EPHB1: variants seen among roughly 807,000 people sequenced by gnomAD.
EPHB1 encodes the protein EPH receptor B1, also known as ephrin type-B receptor 1.
In EPHB1, 30 loss-of-function variants were observed where a neutral mutation model predicts 94.4. That is an observed-to-expected ratio of 0.32 (90% CI 0.24 to 0.43). EPHB1 has a LOEUF of 0.43. EPHB1 is among the 20% of genes least tolerant of loss of function. The probability of loss-of-function intolerance (pLI) is 1.00; values close to 1 mark genes in which losing one functional copy is unlikely to be tolerated. For missense variants in EPHB1, 1,055 were observed against 1,308.3 expected (o/e 0.81, Z 2.99); for synonymous variants, 522 against 489.1 (o/e 1.07, Z -0.89).
chr3:135,055,595 G>T (rs1216937821), intron 3 of EPHB1, among the ~76,000 whole-genome samples: 1 of 152,218 alleles, frequency 6.6e-6, no homozygotes, highest in Non-Finnish European at 1.5e-5. Context: ...TAGGTTGAGG[G>T]CCTGGGCATC....
At chr3:135,042,195 G>A (rs1225902917) in intron 3 of EPHB1, among the ~76,000 whole-genome samples, 1 of 152,164 alleles carries the variant, frequency 6.6e-6, no homozygotes, top group African/African-American at 2.4e-5. Flanking sequence ...GCTTCTCAAA[G>A]TGTTGGTGCT....
chr3:135,204,041 A>G (rs1942830812), intron 12 of EPHB1, among the ~76,000 whole-genome samples: 1 of 152,122 alleles, frequency 6.6e-6, no homozygotes, highest in Admixed American at 6.5e-5. Context: ...GTACAGAGCA[A>G]GTGTATATAT....
chr3:135,114,047 T>A (rs1209867461), intron 4 of EPHB1, among the ~76,000 whole-genome samples: 1 of 152,234 alleles, frequency 6.6e-6, no homozygotes, highest in Non-Finnish European at 1.5e-5. Context: ...CCACCACATG[T>A]GGCAGCCACT....
rs1933578278 is a variant in EPHB1 at position 135,260,087 on chromosome 3, G to A, written c.*967G>A. 4.3e-6 allele frequency: 1 copy of A among 233,128 alleles called. No individual in the cohort carries two copies. Among genetic ancestry groups the A allele is most frequent in the Non-Finnish European group, 8.5e-6 (1 of 117,734 alleles). 14.4% of individuals were successfully genotyped at this position (233,128 alleles called of 1,614,324 possible). A position where few individuals can be genotyped will look rare whatever the true frequency, so the allele number is the denominator to read the frequency against. On this transcript the variant is annotated 3_prime_UTR_variant, in exon 16 of 16. Transcript: ENST00000398015. ...GCAAATTCAGACAGGAAACAGGTGA[G>A]TGGTTTGAATTGGATGCAGTGTGGG...
At chr3:134,859,520 C>G (rs1560268291) in intron 1 of EPHB1, among the ~76,000 whole-genome samples, 1 of 152,188 alleles carries the variant, frequency 6.6e-6, no homozygotes, top group Non-Finnish European at 1.5e-5. Flanking sequence ...GGGTGTTGCT[C>G]TATGAAACCT....
chr3:134,937,912 C>CTT lies in EPHB1; in HGVS notation c.123+12051_123+12052dup, dbSNP rs113610495. ...TGACCAGCCAAGCACTGGTTCCCTC[C>CTT]TTTTTTTTTTTTTTTTTTTTCCTCC... On this transcript the variant is annotated intron_variant, in intron 2 of 15. Transcript: ENST00000398015. Among the ~76,000 whole-genome samples the CTT allele has an allele frequency of 2.2e-3, 274 of 122,560 alleles. 2 individuals carry two copies. Among genetic ancestry groups the CTT allele is most frequent in the Non-Finnish European group, 2.7e-3 (160 of 60,120 alleles). The allele number at this position is 122,560 out of a possible 152,430, so 80.4% of individuals were successfully genotyped here. A position where few individuals can be genotyped will look rare whatever the true frequency, so the allele number is the denominator to read the frequency against.
chr3:135,078,781 A>C (rs1484491138), intron 3 of EPHB1, among the ~76,000 whole-genome samples: 2 of 152,236 alleles, frequency 1.3e-5, no homozygotes, highest in South Asian at 4.1e-4. Context: ...AATTCCAAAG[A>C]AATTTTAACA....
At chr3:135,052,910 T>C (rs1384353346) in intron 3 of EPHB1, among the ~76,000 whole-genome samples, 3 of 52,652 alleles carry the variant, frequency 5.7e-5, no homozygotes, top group Non-Finnish European at 9.7e-5. Flanking sequence ...TATATATATA[T>C]GTGTGTGTGT....
rs149289392 is a variant in EPHB1, at chr3:135,220,354, A to G, written c.2346+18665A>G. Among the ~76,000 whole-genome samples the G allele has an allele frequency of 5.5e-3, 831 of 152,316 alleles. 4 individuals are homozygous for G. The highest frequency in any genetic ancestry group is 8.3e-3 in the Non-Finnish European group (568 of 68,036). On this transcript the variant is annotated intron_variant, in intron 12 of 15. Transcript: ENST00000398015. ...AAGATTTTATTTTAATCCTCCCACA[A>G]AAGCATTCAAGTAAGCTCTTTCTCT...
chr3:135,067,970 G>A (rs1937605183), intron 3 of EPHB1: 1 of 152,276 alleles, frequency 6.6e-6, no homozygotes. Context: ...CCCAGTAGTA[G>A]GGGTGTGTTC....
intron 4 of EPHB1, among the ~76,000 whole-genome samples, chr3:135,127,093 A>G (rs911733164): frequency 3.3e-5 from 5 of 152,232 alleles, no homozygotes; most frequent in African/African-American, 4.8e-5. Context: ...CATCTTTCAG[A>G]TAAGGAAACT....
chr3:135,007,999 A>T lies in EPHB1; in HGVS notation c.805+55947A>T, dbSNP rs554416192. 3.9e-5 allele frequency among the ~76,000 whole-genome samples: 6 copies of T among 152,282 alleles called. No individual in the cohort carries two copies. In the East Asian group the frequency reaches 1.2e-3, roughly 29 times the overall value. On this transcript the variant is annotated intron_variant, in intron 3 of 15. Coordinates refer to ENST00000398015, the MANE Select transcript of EPHB1 (RefSeq NM_004441.5). ...CAGCCTTCACATCCGTGACAAAATCATGAGGGGAGGCTCAAATGCTCTGCT... is the reference window on the plus strand; with the variant it reads ...CAGCCTTCACATCCGTGACAAAATCTTGAGGGGAGGCTCAAATGCTCTGCT...
chr3:135,109,782 C>T (rs1299848486), intron 4 of EPHB1, among the ~76,000 whole-genome samples: 3 of 152,320 alleles, frequency 2.0e-5, no homozygotes, highest in African/African-American at 7.2e-5. Flanking sequence ...CTGCCGAGCT[C>T]GCTGTCCCTG....
chr3:134,995,466 T>C (rs1934959102), intron 3 of EPHB1, among the ~76,000 whole-genome samples: 1 of 150,684 alleles, frequency 6.6e-6, no homozygotes, highest in Non-Finnish European at 1.5e-5. Context: ...CATGTACATG[T>C]TTTTTTATGT....
intron 3 of EPHB1, among the ~76,000 whole-genome samples, chr3:135,088,136 G>C (rs143819037): frequency 6.6e-6 from 1 of 152,074 alleles, no homozygotes; most frequent in Non-Finnish European, 1.5e-5. Flanking sequence ...TAAGCCTCTC[G>C]TCTGAACTCA....
At chr3:134,922,793 G>A (rs1462769170) in intron 1 of EPHB1, among the ~76,000 whole-genome samples, 5 of 152,118 alleles carry the variant, frequency 3.3e-5, no homozygotes, top group Admixed American at 2.0e-4. Context: ...AGCCCAAGTC[G>A]GCCTTGTGGT....
At chr3:134,920,348 T>G (rs955067077) in intron 1 of EPHB1, among the ~76,000 whole-genome samples, 4 of 152,208 alleles carry the variant, frequency 2.6e-5, no homozygotes, top group African/African-American at 9.6e-5. Flanking sequence ...GCTGCTTGCA[T>G]TTACGTAATA....
At chr3:134,981,274 T>A (rs1024107591) in intron 3 of EPHB1, among the ~76,000 whole-genome samples, 5 of 152,220 alleles carry the variant, frequency 3.3e-5, no homozygotes, top group Non-Finnish European at 7.3e-5. Context: ...GGCTAGGTTG[T>A]GTTGCAATAA....
intron 1 of EPHB1, among the ~76,000 whole-genome samples, chr3:134,884,830 G>A (rs1023242790): frequency 6.6e-6 from 1 of 152,188 alleles, no homozygotes; most frequent in African/African-American, 2.4e-5. Context: ...AACCACAATT[G>A]AGCAATCTAC....
Sources: allele counts gnomAD v4.1 joint callset (sites outside exome capture counted in the v4.1 genomes callset), GRCh38; gene constraint gnomAD v4.1.1; transcripts MANE v1.5; gene names NCBI Gene and HGNC (gene_info 2026-07-23, HGNC 2026-07-21).